Variants in NIPA2 observed in about 807,000 individuals in gnomAD.
NIPA2 encodes magnesium transporter NIPA2.
NIPA2 carries 11 observed loss-of-function variants against 29.7 expected under a neutral mutation model. The observed-to-expected ratio is 0.37, with a 90% confidence interval of 0.23 to 0.61. The LOEUF is 0.61. Among genes scored for constraint, NIPA2 ranks in the 20% least tolerant of loss-of-function variants. The pLI is 0.66. For missense variants in NIPA2, 426 were observed against 437.9 expected (o/e 0.97, Z 0.24); for synonymous variants, 183 against 161.9 (o/e 1.13, Z -0.99).
intron 2 of NIPA2, among the ~76,000 whole-genome samples, chr15:22,843,649 A>AT (rs1245301166): frequency 2.7e-5 from 4 of 146,540 alleles, no homozygotes; most frequent in Non-Finnish European, 6.0e-5. Flanking sequence ...AATTTTTTCA[A>AT]TTTTTTCCTT....
intron 5 of NIPA2, among the ~76,000 whole-genome samples, chr15:22,857,852 A>G (rs2058313590): frequency 6.6e-6 from 1 of 151,564 alleles, no homozygotes; most frequent in Non-Finnish European, 1.5e-5. Flanking sequence ...AAAAAAAAAA[A>G]AAAAAAGGAC....
intron 3 of NIPA2, among the ~76,000 whole-genome samples, chr15:22,846,887 TTTGTTTTTGTTG>T (rs932555966): frequency 2.8e-5 from 4 of 143,386 alleles, no homozygotes; most frequent in African/African-American, 1.0e-4. Context: ...TCTGTTGTTT[TTTGTTTTTGTTG>T]TTGTTTTTTT....
chr15:22,844,562 AAAG>A (rs767084252), intron 2 of NIPA2, among the ~76,000 whole-genome samples: 1 of 152,080 alleles, frequency 6.6e-6, no homozygotes, highest in Non-Finnish European at 1.5e-5. Context: ...TCAAAAAAAA[AAAG>A]AGTTTGTTAA....
chr15:22,846,039 C>T (rs556711595), intron 3 of NIPA2, among the ~76,000 whole-genome samples: 4 of 152,282 alleles, frequency 2.6e-5, no homozygotes, highest in Middle Eastern at 3.4e-3. Flanking sequence ...TTAATCACCT[C>T]TTCACCTTGT....
At chr15:22,842,608 C>T (rs1897377932) in intron 2 of NIPA2, among the ~76,000 whole-genome samples, 2 of 151,948 alleles carry the variant, frequency 1.3e-5, no homozygotes, top group Non-Finnish European at 1.5e-5. Context: ...GCAGAAGGAT[C>T]ACCCGAGGTC....
At chr15:22,840,996 C>A (rs1304761959) in intron 2 of NIPA2, among the ~76,000 whole-genome samples, 1 of 125,568 alleles carries the variant, frequency 8.0e-6, no homozygotes, top group Non-Finnish European at 1.5e-5. Flanking sequence ...GATAAGACTT[C>A]TGCAGAGAAT....
At chr15:22,862,560 GTT>G (rs1283829259) in intron 7 of NIPA2, among the ~76,000 whole-genome samples, 2 of 151,958 alleles carry the variant, frequency 1.3e-5, no homozygotes, top group Non-Finnish European at 2.9e-5. Context: ...GCCCTTCTGA[GTT>G]TTTATTTCTG....
Position 22,851,662 on chromosome 15 carries a change from C to T in NIPA2, c.-70C>T, listed in dbSNP as rs1016676980. On this transcript the variant is annotated 5_prime_UTR_variant, in exon 4 of 8. Coordinates refer to ENST00000337451, the MANE Select transcript of NIPA2 (RefSeq NM_030922.7). ...AGGTTTGAAGACTGCTTCATTCTGC[C>T]TCTAGTACCAGCGGTTTCTCTGTTC... The T allele has an allele frequency of 3.0e-6, 4 of 1,333,254 alleles. No individual in the cohort carries two copies. In the South Asian group the frequency reaches 4.1e-5, roughly 14 times the overall value. 82.6% of individuals were successfully genotyped at this position (1,333,254 alleles called of 1,614,324 possible). A position where few individuals can be genotyped will look rare whatever the true frequency, so the allele number is the denominator to read the frequency against.
chr15:22,848,119 T>C (rs968282334), intron 3 of NIPA2, among the ~76,000 whole-genome samples: 5 of 152,150 alleles, frequency 3.3e-5, no homozygotes, highest in African/African-American at 7.2e-5. Context: ...TGTTGGATGA[T>C]CTTAAGGAAT....
chr15:22,866,230 A>G lies in NIPA2; in HGVS notation c.466A>G (p.Thr156Ala), dbSNP rs1484142941. The change falls in exon 8 of 8, where the codon ACC becomes GCC. Residue 156 changes from threonine to alanine, a missense_variant. Thr to Ala is a moderately conservative substitution (Grantham distance 58). This residue lies in a region of NIPA2 where 357 missense variants were observed against 339.8 expected (regional missense o/e 1.05). Transcript: ENST00000337451. ...LGDPGFVVFA[T>A]LVVIVALILI... ...TCCTCCAGGTTTTGTGGTCTTTGCA[A>G]CCCTTGTGGTCATTGTGGCCTTGAT... The G allele has an allele frequency of 1.2e-6, 2 of 1,611,964 alleles. No individual in the cohort carries two copies. The highest frequency in any genetic ancestry group is 1.7e-4 in the Middle Eastern group (1 of 6,054).
chr15:22,844,258 A>G (rs1595262499), intron 2 of NIPA2, among the ~76,000 whole-genome samples: 1 of 152,136 alleles, frequency 6.6e-6, no homozygotes, highest in Non-Finnish European at 1.5e-5. Context: ...AGTAAAATCA[A>G]TTGTGAAAAT....
chr15:22,853,085 G>T, intron 4 of NIPA2, 127 bp from the exon 5 acceptor site: 1 of 613,232 alleles, frequency 1.6e-6, no homozygotes. Context: ...GAGAAATCCC[G>T]AGTCATGCAG....
intron 6 of NIPA2, among the ~76,000 whole-genome samples, chr15:22,858,898 C>A (rs2058405350): frequency 6.6e-6 from 1 of 152,186 alleles, no homozygotes; most frequent in South Asian, 2.1e-4. Flanking sequence ...TCAAAGTTGG[C>A]TGGGAACAGT....
chr15:22,858,570 C>A lies in NIPA2; in HGVS notation c.227C>A (p.Ala76Glu), dbSNP rs1228258419. 6.2e-7 allele frequency: 1 copy of A among 1,606,902 alleles called. No individual in the cohort carries two copies. The highest frequency in any genetic ancestry group is 8.5e-7 in the Non-Finnish European group (1 of 1,175,736). Reference sequence around the variant, plus strand: ...GCTGGTGAGGTGGCCAACTTCGCTGCGTATGCGTTTGCACCAGCCACTCTA... The same window carrying A: ...GCTGGTGAGGTGGCCAACTTCGCTGAGTATGCGTTTGCACCAGCCACTCTA... ...MGAGEVANFA[A>E]YAFAPATLVT... is the part of the protein sequence containing the mutation. The change falls in exon 6 of 8, where the codon GCG becomes GAG. Residue 76 changes from alanine to glutamate, a missense_variant. By Grantham distance (107) the Ala-to-Glu change is moderately radical. This residue lies in a region of NIPA2 where 12 missense variants were observed against 31.5 expected (regional missense o/e 0.38). Transcript: ENST00000337451.
rs757308166 is a variant in NIPA2, at chr15:22,858,622, G to A, written c.279G>A (p.Val93=). ...TLVTPLGALS[V]LVSAILSSYF... ...TGACTCCACTAGGAGCTCTCAGCGT[G>A]CTAGTAAGGTAAGGACACGTTTTTC... Residue 93 remains valine, a synonymous_variant, in exon 6 of 8, where the codon GTG becomes GTA. Coordinates refer to ENST00000337451, the MANE Select transcript of NIPA2 (RefSeq NM_030922.7). The A allele has an allele frequency of 1.3e-5, 20 of 1,592,602 alleles. No homozygotes were observed. Among genetic ancestry groups the A allele is most frequent in the Non-Finnish European group, 1.7e-5 (20 of 1,166,890 alleles).
intron 7 of NIPA2, among the ~76,000 whole-genome samples, chr15:22,862,049 C>CTCTTTTTTTTTTTTTTTTTTT (rs1555387456): frequency 3.8e-5 from 4 of 103,974 alleles, no homozygotes; most frequent in African/African-American, 1.5e-4. Context: ...ATGGGTCTCT[C>CTCTTTTTTTTTTTTTTTTTTT]TTTTTTTTTT....
intron 7 of NIPA2, among the ~76,000 whole-genome samples, chr15:22,863,439 T>C (rs545650470): frequency 6.6e-6 from 1 of 152,236 alleles, no homozygotes; most frequent in East Asian, 1.9e-4. Context: ...TAGCTTCAGA[T>C]GTTGGTTTGG....
chr15:22,866,079 C>T (rs944800985), intron 7 of NIPA2, 134 bp from the exon 8 acceptor site: 7 of 697,346 alleles, frequency 1.0e-5, no homozygotes, highest in African/African-American at 9.0e-5. Context: ...TCTGCTTGGG[C>T]TGCAAAATAA....
At chr15:22,859,427 GGACT>G (rs1413603011) in intron 6 of NIPA2, among the ~76,000 whole-genome samples, 1 of 151,674 alleles carries the variant, frequency 6.6e-6, no homozygotes, top group Non-Finnish European at 1.5e-5. Context: ...CGAGTAGCTG[GGACT>G]ACAGGCACCC....
Sources: gnomAD v4.1 joint callset for allele counts (sites outside exome capture counted in the v4.1 genomes callset) on GRCh38, gnomAD v4.1.1 for gene constraint, gnomAD v4.1.1 regional missense constraint, MANE v1.5 for transcripts, NCBI Gene and HGNC (gene_info 2026-07-23, HGNC 2026-07-21) for gene names.